Variants in DCST2 observed in about 807,000 individuals in gnomAD.
DCST2 encodes the protein DC-STAMP domain containing 2.
A neutral mutation model predicts 81.8 loss-of-function variants in DCST2; 64 were observed. That is an observed-to-expected ratio of 0.78 (90% confidence interval 0.64 to 0.96). The LOEUF is 0.96. DCST2 is among the 40% of genes least tolerant of loss of function. The probability of loss-of-function intolerance (pLI) is 0.00; values close to 1 mark genes in which losing one functional copy is unlikely to be tolerated. For synonymous variants in DCST2, 354 were observed against 402.6 expected (o/e 0.88, Z 1.44); for missense variants, 945 against 1,001.4 (o/e 0.94, Z 0.76).
chr1:155,020,027 C>T (rs2102331636), intron 14 of DCST2, among the ~76,000 whole-genome samples: 1 of 152,052 alleles, frequency 6.6e-6, no homozygotes, highest in Middle Eastern at 3.4e-3. Context: ...CTGGAGTGGG[C>T]TCAGCTGCTC....
rs780136070 is a variant in DCST2, at chr1:155,030,117, T to C, written c.1144A>G (p.Ser382Gly). The change falls in exon 7 of 15, where the codon AGT (serine) becomes GGT (glycine). Residue 382 changes from serine to glycine, a missense_variant. Transcript: ENST00000368424. ...ATGTAGCGCCTGGCCTCGTGAGCAC[T>C]GAGCGGTAGCACTGTGGGCAGCCCT... The part of the protein sequence containing the change: ...TAGLPTVLPL[S>G]AHEARRYIPP... 1.9e-6 allele frequency: 3 copies of C among 1,614,020 alleles called. No individual in the cohort carries two copies. Among genetic ancestry groups the C allele is most frequent in the South Asian group, 2.2e-5 (2 of 91,080 alleles).
Position 155,029,221 on chromosome 1 carries a change from G to A in DCST2, c.1342+12C>T, listed in dbSNP as rs746196459. 25 of 1,612,408 alleles carry A rather than the reference G, an allele frequency of 1.6e-5. No homozygotes were observed. The highest frequency in any genetic ancestry group is 1.9e-4 in the Middle Eastern group (1 of 5,390). On this transcript the variant is annotated intron_variant, in intron 8 of 14. Transcript: ENST00000368424. ...TGGGTGAGTGGGAGGAGGCTGTCACGTAGGCACTCACTGCGGGCCACAATC... is the reference window on the plus strand; with the variant it reads ...TGGGTGAGTGGGAGGAGGCTGTCACATAGGCACTCACTGCGGGCCACAATC...
At position 155,024,777 on chromosome 1, in the gene DCST2, C is replaced by T. The variant is rs140963795; in HGVS notation, c.1612-175G>A. On this transcript the variant is annotated intron_variant, in intron 10 of 14. Transcript: ENST00000368424. ...TTCTGGACTTGCCCAGGTGGAGTTACCACTCTCTCCTCTGGGTTTCCATAA... is the reference window on the plus strand; with the variant it reads ...TTCTGGACTTGCCCAGGTGGAGTTATCACTCTCTCCTCTGGGTTTCCATAA... Among the ~76,000 whole-genome samples the T allele has an allele frequency of 1.5e-3, 233 of 152,314 alleles. 1 individual carries two copies. Among genetic ancestry groups the T allele is most frequent in the African/African-American group, 5.4e-3 (226 of 41,552 alleles).
At chr1:155,028,576 T>A (rs542241921) in intron 8 of DCST2, among the ~76,000 whole-genome samples, 33 of 145,810 alleles carry the variant, frequency 2.3e-4, no homozygotes, top group African/African-American at 8.4e-4. Flanking sequence ...AGAGTGAGAC[T>A]CCATCTCAAA....
At position 155,033,124 on chromosome 1, in the gene DCST2, C is replaced by T. The variant is rs766386179; in HGVS notation, c.409G>A (p.Val137Met). The stretch of plus-strand genomic sequence containing the variant: ...AGAGGTTGCTTGGCCCTCTGTAGCA[C>T]TTCGGCGGTCTGGTTCAGGGCCAGC... The part of the protein sequence containing the change: ...AELALNQTAE[V>M]LQRAKQPLVS... Residue 137 changes from valine to methionine, a missense_variant, in exon 2 of 15, where the codon GTG becomes ATG. Transcript: ENST00000368424. 4 of 1,597,158 alleles carry T rather than the reference C, an allele frequency of 2.5e-6. No homozygotes were observed. The highest frequency in any genetic ancestry group is 3.5e-5 in the Admixed American group (2 of 56,746).
chr1:155,026,557 T>G lies in DCST2; in HGVS notation c.1501A>C (p.Ile501Leu). The G allele has an allele frequency of 6.2e-7, 1 of 1,614,160 alleles. No homozygotes were observed. Among genetic ancestry groups the G allele is most frequent in the Non-Finnish European group, 8.5e-7 (1 of 1,180,028 alleles). Residue 501 changes from isoleucine (I) to leucine (L), a missense_variant, in exon 9 of 15, where the codon ATA becomes CTA. By Grantham distance (5) the Ile-to-Leu change is conservative. Coordinates refer to ENST00000368424, the MANE Select transcript of DCST2 (RefSeq NM_144622.3). ...RPSEPDSTGY[I>L]VIGVMYGLCF... ...AGGGTGTAGTTGATACCAATGACTA[T>G]GTAGCCAGTGCTGTCAGGCTCCGAG...
intron 10 of DCST2, among the ~76,000 whole-genome samples, chr1:155,025,857 TTTC>T (rs939750280): frequency 6.6e-6 from 1 of 151,874 alleles, no homozygotes; most frequent in Non-Finnish European, 1.5e-5. Context: ...GGCGTTTTAT[TTTC>T]TTTTTTTTTC....
At chr1:155,027,528 TTTTG>T (rs981096279) in intron 8 of DCST2, among the ~76,000 whole-genome samples, 61 of 151,138 alleles carry the variant, frequency 4.0e-4, no homozygotes, top group African/African-American at 1.5e-3. Flanking sequence ...GGGTTTTGGT[TTTTG>T]TTTTTTAGGA....
At chr1:155,019,898 G>C (rs1193640203) in intron 14 of DCST2, among the ~76,000 whole-genome samples, 1 of 152,198 alleles carries the variant, frequency 6.6e-6, no homozygotes, top group East Asian at 1.9e-4. Context: ...TGCCACGGCA[G>C]GTCTTTCAAC....
At chr1:155,025,864 T>A (rs1481064553) in intron 10 of DCST2, among the ~76,000 whole-genome samples, 2 of 151,958 alleles carry the variant, frequency 1.3e-5, no homozygotes, top group African/African-American at 2.4e-5. Context: ...TATTTTCTTT[T>A]TTTTTCTTTC....
In DCST2 at chr1:155,033,192, C is replaced by T. The variant is rs748453181; in HGVS notation, c.341G>A (p.Arg114His). ...AGCCTCGCTGGCCCGGGTGAAGTTG[C>T]GTAGAGTGTTGGCACAAGGCCCTTG... ...VLQGPCANTL[R>H]NFTRASEAVA... Residue 114 changes from arginine to histidine, a missense_variant, in exon 2 of 15, where the codon CGC (arginine) becomes CAC (histidine). Coordinates refer to ENST00000368424, the MANE Select transcript of DCST2 (RefSeq NM_144622.3). 6.2e-6 allele frequency: 10 copies of T among 1,613,788 alleles called. No homozygotes were observed. In the South Asian group the frequency reaches 6.6e-5, roughly 11 times the overall value.
At chr1:155,029,973 C>A in intron 7 of DCST2, 111 bp downstream of exon 7, 1 of 1,507,144 alleles carries the variant, frequency 6.6e-7, no homozygotes, top group Non-Finnish European at 8.9e-7. Flanking sequence ...TGGCCCCTGC[C>A]CCAAGCCCAT....
Position 155,030,100 on chromosome 1 carries a change from C to A in DCST2, c.1161G>T (p.Arg387Ser), listed in dbSNP as rs1660025340. The change falls in exon 7 of 15, where the codon AGG (arginine) becomes AGT (serine). Residue 387 changes from arginine to serine, a missense_variant. Arg to Ser is a moderately radical substitution (Grantham distance 110). Coordinates refer to ENST00000368424, the MANE Select transcript of DCST2 (RefSeq NM_144622.3). ...TVLPLSAHEA[R>S]RYIPPGSIFL... ...GGCCCTCACCCGGTGGGATGTAGCG[C>A]CTGGCCTCGTGAGCACTGAGCGGTA... The A allele has an allele frequency of 6.2e-7, 1 of 1,613,676 alleles. No individual in the cohort carries two copies. Among genetic ancestry groups the A allele is most frequent in the Non-Finnish European group, 8.5e-7 (1 of 1,179,990 alleles).
chr1:155,027,990 T>G lies in DCST2; in HGVS notation c.1342+1243A>C, dbSNP rs1439605424. ...CCCAGGCTGGAGTGCAGTGGCAGGA[T>G]CTCGGCTCACTGCAACCTCTGCCTC... On this transcript the variant is annotated intron_variant, in intron 8 of 14. Transcript: ENST00000368424. Among the ~76,000 whole-genome samples, 4 of 151,826 alleles carry G rather than the reference T, an allele frequency of 2.6e-5. No individual in the cohort carries two copies. In the South Asian group the frequency reaches 6.2e-4, roughly 24 times the overall value.
At position 155,023,460 on chromosome 1, in the gene DCST2, G is replaced by A. The variant is rs1431970595; in HGVS notation, c.1871-3C>T. 41 of 1,586,564 alleles carry A rather than the reference G, an allele frequency of 2.6e-5. No individual in the cohort carries two copies. The highest frequency in any genetic ancestry group is 3.4e-5 in the Non-Finnish European group (40 of 1,166,116). ...GAAGCAAGTGAGGCAGTAGAGACCTGGTGGAGGCCATGGGGAATGGAGGTG... is the reference window on the plus strand; with the variant it reads ...GAAGCAAGTGAGGCAGTAGAGACCTAGTGGAGGCCATGGGGAATGGAGGTG... On this transcript the variant is annotated splice_region_variant and splice_polypyrimidine_tract_variant and intron_variant, in intron 12 of 14. Coordinates refer to ENST00000368424, the MANE Select transcript of DCST2 (RefSeq NM_144622.3).
At chr1:155,026,483 A>C (rs952544308) in intron 9 of DCST2, 65 bp downstream of exon 9, 32 of 1,612,540 alleles carry the variant, frequency 2.0e-5, no homozygotes, top group African/African-American at 2.7e-5. Flanking sequence ...CATCCTCAGC[A>C]GTCTGCACCC....
chr1:155,029,934 C>T, intron 7 of DCST2, 150 bp downstream of exon 7: 1 of 1,250,214 alleles, frequency 8.0e-7, no homozygotes, highest in African/African-American at 1.5e-5. Flanking sequence ...CTGAAAGTTC[C>T]TTAAGCTCTG....
chr1:155,025,687 G>GTT (rs1249826799), intron 10 of DCST2, among the ~76,000 whole-genome samples: 1 of 149,414 alleles, frequency 6.7e-6, no homozygotes, highest in Non-Finnish European at 1.5e-5. Context: ...TCACCACCAT[G>GTT]TTTTTTTGTT....
chr1:155,023,892 G>A lies in DCST2; in HGVS notation c.1810C>T (p.Gln604Ter). The change falls in exon 12 of 15, where the codon CAG becomes TAG. Residue 604 changes from glutamine (Q) to a stop codon, truncating the protein, a stop_gained. Coordinates refer to ENST00000368424, the MANE Select transcript of DCST2 (RefSeq NM_144622.3). LOFTEE classifies it high-confidence loss of function. ...TCCATGTCTCCCTCATCCTGGGGCT[G>A]CCCACAGCCCAGGCAGTAGGCCTGA... ...LHQAYCLGCG[Q>*]PQDEGDMENT... The A allele has an allele frequency of 1.2e-6, 2 of 1,613,588 alleles. No individual in the cohort carries two copies. Among genetic ancestry groups the A allele is most frequent in the Non-Finnish European group, 1.7e-6 (2 of 1,179,872 alleles).
Sources: gnomAD v4.1 joint callset for allele counts (sites outside exome capture counted in the v4.1 genomes callset) on GRCh38, gnomAD v4.1.1 for gene constraint, MANE v1.5 for transcripts, NCBI Gene and HGNC (gene_info 2026-07-23, HGNC 2026-07-21) for gene names.